The following STAG1 variants were observed in gnomAD, a reference collection of about 807,000 sequenced individuals.
The protein encoded by STAG1 is STAG1 cohesin complex component.
STAG1 carries 26 observed loss-of-function variants against 170.9 expected under a neutral mutation model. That is an observed-to-expected ratio of 0.15 (90% CI 0.11 to 0.21). The LOEUF (loss-of-function observed/expected upper bound fraction) is 0.21, where lower values mean the gene tolerates loss of function less well. STAG1 is among the 10% of genes least tolerant of loss of function. STAG1 has a pLI of 1.00. For missense variants in STAG1, 964 were observed against 1,509.5 expected (o/e 0.64, Z 5.99); for synonymous variants, 514 against 497.7 (o/e 1.03, Z -0.44).
intron 3 of STAG1, among the ~76,000 whole-genome samples, chr3:136,622,263 G>A (rs1939898803): frequency 6.6e-6 from 1 of 152,006 alleles, no homozygotes; most frequent in African/African-American, 2.4e-5. Flanking sequence ...AGGTTGCAGT[G>A]AGCCAAGATT....
intron 6 of STAG1, among the ~76,000 whole-genome samples, chr3:136,533,215 A>T (rs141209643): frequency 2.6e-5 from 4 of 152,274 alleles, no homozygotes; most frequent in Admixed American, 2.0e-4. Flanking sequence ...AAGGATCTCT[A>T]TAAGGAAAAC....
intron 1 of STAG1, among the ~76,000 whole-genome samples, chr3:136,735,503 C>T (rs1576829783): frequency 1.3e-5 from 2 of 151,770 alleles, no homozygotes; most frequent in African/African-American, 4.8e-5. Context: ...CTGGCATGAT[C>T]TCAGCTCACT....
intron 21 of STAG1, among the ~76,000 whole-genome samples, chr3:136,399,046 A>G (rs1447834440): frequency 6.6e-6 from 1 of 152,190 alleles, no homozygotes. Flanking sequence ...ATATGGGAAT[A>G]AATACAGATT....
intron 1 of STAG1, among the ~76,000 whole-genome samples, chr3:136,634,358 C>T (rs950658415): frequency 2.0e-5 from 3 of 151,158 alleles, no homozygotes; most frequent in South Asian, 2.1e-4. Context: ...TGCTTCAGCC[C>T]CCAAAACAAA....
intron 1 of STAG1, among the ~76,000 whole-genome samples, chr3:136,735,049 A>G (rs1490469876): frequency 6.6e-5 from 10 of 151,910 alleles, no homozygotes; most frequent in Non-Finnish European, 1.5e-4. Flanking sequence ...GCACTCTCCA[A>G]TTCCAGTTTC....
At position 136,337,389 on chromosome 3, in the gene STAG1, TG is replaced by T. The variant is rs1935726168; in HGVS notation, c.*864del. 1 of 152,612 alleles carries T rather than the reference TG, an allele frequency of 6.6e-6. No individual in the cohort carries two copies. Among genetic ancestry groups the T allele is most frequent in the South Asian group, 2.1e-4 (1 of 4,826 alleles). The allele number at this position is 152,612 out of a possible 1,614,324, so 9.5% of individuals were successfully genotyped here. A position where few individuals can be genotyped will look rare whatever the true frequency, so the allele number is the denominator to read the frequency against. On this transcript the variant is annotated 3_prime_UTR_variant, in exon 34 of 34. Coordinates refer to ENST00000383202, the MANE Select transcript of STAG1 (RefSeq NM_005862.3). ...TGGTAAAAACAGCAAACTGATAACT[TG>T]AGAATCATTTTCGTTTTACTGAGAA...
intron 6 of STAG1, among the ~76,000 whole-genome samples, chr3:136,541,161 TTAATAA>T (rs774392544): frequency 6.6e-6 from 1 of 152,010 alleles, no homozygotes; most frequent in Non-Finnish European, 1.5e-5. Flanking sequence ...CAAGTTAAAA[TTAATAA>T]TAATAAAACC....
chr3:136,389,780 A>T (rs947071079), intron 22 of STAG1, among the ~76,000 whole-genome samples: 1 of 150,986 alleles, frequency 6.6e-6, no homozygotes, highest in African/African-American at 2.4e-5. Flanking sequence ...TTGGCCTCCC[A>T]AAGTTCTGGG....
chr3:136,562,508 A>G (rs1407676383), intron 5 of STAG1, among the ~76,000 whole-genome samples: 1 of 149,956 alleles, frequency 6.7e-6, no homozygotes, highest in African/African-American at 2.5e-5. Context: ...AAATCTGCCC[A>G]AAGAAATTCT....
chr3:136,412,383 A>G (rs1298229127), intron 21 of STAG1, among the ~76,000 whole-genome samples: 1 of 152,234 alleles, frequency 6.6e-6, no homozygotes, highest in Non-Finnish European at 1.5e-5. Context: ...GGCAAAGATC[A>G]TAAATCGGTA....
chr3:136,493,173 C>A (rs1170825586), intron 9 of STAG1, among the ~76,000 whole-genome samples: 3 of 152,052 alleles, frequency 2.0e-5, no homozygotes, highest in African/African-American at 7.2e-5. Flanking sequence ...GAAACTTCGT[C>A]TCTACTGAAA....
chr3:136,567,396 G>A (rs192827049), intron 5 of STAG1, among the ~76,000 whole-genome samples: 214 of 152,180 alleles, frequency 1.4e-3, no homozygotes, highest in South Asian at 9.4e-3. Flanking sequence ...TCTACGTCCC[G>A]GACTGAACCA....
At position 136,369,166 on chromosome 3, in the gene STAG1, G is replaced by A. The variant is rs1438827741; in HGVS notation, c.2487C>T (p.Leu829=). The A allele has an allele frequency of 6.3e-7, 1 of 1,598,674 alleles. No individual in the cohort carries two copies. The highest frequency in any genetic ancestry group is 8.5e-7 in the Non-Finnish European group (1 of 1,175,356). ...FNPDTGLQSE[L]LSFVMDHVFI... is the part of the protein sequence containing the mutation. ...AAACGTGATCCATCACAAAACTGAG[G>A]AGTTCAGATTGGAGTCCAGTATCTG... The change falls in exon 24 of 34, where the codon CTC becomes CTT. Residue 829 remains leucine (L), a synonymous_variant. Transcript: ENST00000383202.
chr3:136,465,661 A>G (rs2107800531), intron 12 of STAG1, among the ~76,000 whole-genome samples: 1 of 151,896 alleles, frequency 6.6e-6, no homozygotes, highest in South Asian at 2.1e-4. Context: ...AACAAAATCA[A>G]CAAAGTATTA....
At position 136,630,785 on chromosome 3, in the gene STAG1, C is replaced by G. The variant is rs543672561; in HGVS notation, c.29+85G>C. ...ATCAAAGAACATATTTGAAATGTAT[C>G]ATCGAAGAGAGCATTTTGATAAAGA... On this transcript the variant is annotated intron_variant, in intron 2 of 33. Coordinates refer to ENST00000383202, the MANE Select transcript of STAG1 (RefSeq NM_005862.3). 40 of 936,940 alleles carry G rather than the reference C, an allele frequency of 4.3e-5. No homozygotes were observed. In the African/African-American group the frequency reaches 6.7e-4, roughly 16 times the overall value. The allele number at this position is 936,940 out of a possible 1,614,324, so 58.0% of individuals were successfully genotyped here.
At chr3:136,668,426 A>C (rs2107872927) in intron 1 of STAG1, among the ~76,000 whole-genome samples, 1 of 146,620 alleles carries the variant, frequency 6.8e-6, no homozygotes, top group Non-Finnish European at 1.5e-5. Flanking sequence ...AAAATATATA[A>C]CATTTATATA....
intron 9 of STAG1, among the ~76,000 whole-genome samples, chr3:136,498,796 A>G (rs1244705939): frequency 6.6e-6 from 1 of 152,168 alleles, no homozygotes; most frequent in Non-Finnish European, 1.5e-5. Flanking sequence ...ATATGCAAGA[A>G]AGCAGACATA....
intron 5 of STAG1, among the ~76,000 whole-genome samples, chr3:136,544,962 T>A (rs980239497): frequency 5.3e-5 from 8 of 152,188 alleles, no homozygotes; most frequent in African/African-American, 1.9e-4. Context: ...TATAGCGCCT[T>A]AATAAATAAA....
At chr3:136,681,603 A>T (rs1386720317) in intron 1 of STAG1, among the ~76,000 whole-genome samples, 4 of 151,956 alleles carry the variant, frequency 2.6e-5, no homozygotes, top group African/African-American at 4.8e-5. Flanking sequence ...ACATTTTTTT[A>T]AAAAAGATAA....
Sources: allele counts gnomAD v4.1 joint callset (sites outside exome capture counted in the v4.1 genomes callset), GRCh38; gene constraint gnomAD v4.1.1; transcripts MANE v1.5; gene names NCBI Gene and HGNC (gene_info 2026-07-23, HGNC 2026-07-21).